GPC6: variants seen among roughly 807,000 people sequenced by gnomAD.
GPC6 encodes the protein glypican-6.
GPC6 carries 14 observed loss-of-function variants against 55.2 expected under a neutral mutation model. The ratio of observed to expected loss-of-function variants is 0.25; its 90% confidence interval spans 0.17 to 0.40. The LOEUF is 0.40. Among genes scored for constraint, GPC6 ranks in the 10% least tolerant of loss-of-function variants. GPC6 has a pLI of 1.00. For synonymous variants in GPC6, 278 were observed against 259.6 expected (o/e 1.07, Z -0.68); for missense variants, 641 against 708.5 (o/e 0.90, Z 1.08).
At chr13:93,941,915 C>T (rs996748112) in intron 3 of GPC6, among the ~76,000 whole-genome samples, 4 of 152,084 alleles carry the variant, frequency 2.6e-5, no homozygotes, top group South Asian at 2.1e-4. Flanking sequence ...TGGTGCAAAA[C>T]GAGGATAATA....
chr13:93,581,952 A>G (rs925355363), intron 2 of GPC6, among the ~76,000 whole-genome samples: 4 of 152,168 alleles, frequency 2.6e-5, no homozygotes, highest in Admixed American at 1.3e-4. Context: ...GTGTTTTTAC[A>G]TAAGATATCA....
chr13:93,786,359 C>T (rs1216081570), intron 2 of GPC6, among the ~76,000 whole-genome samples: 1 of 152,074 alleles, frequency 6.6e-6, no homozygotes, highest in Non-Finnish European at 1.5e-5. Context: ...TTGTACAAAA[C>T]CTCTAGGCTT....
rs555664508 is a variant in GPC6, at chr13:94,272,463, C to CTTTTTTT, written c.878-13869_878-13863dup. On this transcript the variant is annotated intron_variant, in intron 4 of 8. Coordinates refer to ENST00000377047, the MANE Select transcript of GPC6 (RefSeq NM_005708.5). The stretch of plus-strand genomic sequence containing the variant: ...TTTTTCTTTTCTTTTCTTTTCTTTT[C>CTTTTTTT]TTTTTTTTTTTTTTTTTTTTTTTGA... Among the ~76,000 whole-genome samples the CTTTTTTT allele has an allele frequency of 9.9e-4, 85 of 85,728 alleles. 1 individual carries two copies. The highest frequency in any genetic ancestry group is 2.8e-3 in the African/African-American group (51 of 17,918). 56.2% of individuals were successfully genotyped at this position (85,728 alleles called of 152,430 possible). A position where few individuals can be genotyped will look rare whatever the true frequency, so the allele number is the denominator to read the frequency against.
chr13:94,103,988 G>A (rs958393763), intron 4 of GPC6, among the ~76,000 whole-genome samples: 2 of 152,144 alleles, frequency 1.3e-5, no homozygotes, highest in Non-Finnish European at 2.9e-5. Flanking sequence ...TATTGCCTAG[G>A]TTTTCTTCTA....
chr13:93,664,517 A>G (rs547482688), intron 2 of GPC6, among the ~76,000 whole-genome samples: 13 of 152,336 alleles, frequency 8.5e-5, no homozygotes, highest in African/African-American at 3.1e-4. Flanking sequence ...ATAGAAACAA[A>G]TAAGTGAAAC....
At chr13:93,774,624 T>C (rs112605652) in intron 2 of GPC6, among the ~76,000 whole-genome samples, 12 of 152,178 alleles carry the variant, frequency 7.9e-5, no homozygotes, top group African/African-American at 2.7e-4. Flanking sequence ...CTGAGTAACA[T>C]CTTGATGTAT....
chr13:94,233,157 T>G (rs953851699), intron 4 of GPC6, among the ~76,000 whole-genome samples: 1 of 151,834 alleles, frequency 6.6e-6, no homozygotes, highest in Non-Finnish European at 1.5e-5. Flanking sequence ...GAAACAAAAA[T>G]ATGAGAAATT....
At chr13:94,323,791 T>C (rs1876967641) in intron 6 of GPC6, among the ~76,000 whole-genome samples, 1 of 152,190 alleles carries the variant, frequency 6.6e-6, no homozygotes, top group Non-Finnish European at 1.5e-5. Context: ...AATTATTCGA[T>C]AGGATTTCAA....
intron 3 of GPC6, among the ~76,000 whole-genome samples, chr13:93,877,779 G>T (rs1874684735): frequency 6.6e-6 from 1 of 152,118 alleles, no homozygotes; most frequent in African/African-American, 2.4e-5. Context: ...GTTTGTGATA[G>T]TGGAGATAAT....
At chr13:93,320,581 G>A (rs907452547) in intron 1 of GPC6, among the ~76,000 whole-genome samples, 4 of 151,224 alleles carry the variant, frequency 2.6e-5, no homozygotes, top group Non-Finnish European at 4.4e-5. Flanking sequence ...TGTGACTTTC[G>A]CAAATAGTGA....
At chr13:94,268,801 C>A (rs1318889132) in intron 4 of GPC6, among the ~76,000 whole-genome samples, 4 of 152,172 alleles carry the variant, frequency 2.6e-5, no homozygotes, top group Non-Finnish European at 5.9e-5. Flanking sequence ...ATTTCCCTCA[C>A]TGAAGAACAT....
At chr13:94,395,410 CTG>C (rs1356903335) in intron 7 of GPC6, among the ~76,000 whole-genome samples, 4 of 152,180 alleles carry the variant, frequency 2.6e-5, no homozygotes, top group African/African-American at 4.8e-5. Context: ...ACAATGCACT[CTG>C]TGTGTTTTAT....
Position 93,453,893 on chromosome 13 carries a change from G to A in GPC6, c.161-91370G>A, listed in dbSNP as rs182519360. Among the ~76,000 whole-genome samples, 36 of 152,230 alleles carry A rather than the reference G, an allele frequency of 2.4e-4. No homozygotes were observed. In the East Asian group the frequency reaches 5.0e-3, roughly 21 times the overall value. On this transcript the variant is annotated intron_variant, in intron 1 of 8. Transcript: ENST00000377047. ...CCACAGTGTGGAAGGGGACCTGAGC[G>A]GGCTGCCACTGCTGGCTCCCGCAGC...
intron 1 of GPC6, among the ~76,000 whole-genome samples, chr13:93,481,639 AT>A (rs71202585): frequency 0.34 from 50,650 of 150,046 alleles, 8,919 homozygotes; most frequent in East Asian, 0.61. Context: ...ATCCAGCTTC[AT>A]TTTTTTTTTG....
At chr13:94,386,084 G>A (rs1880387315) in intron 7 of GPC6, among the ~76,000 whole-genome samples, 1 of 152,162 alleles carries the variant, frequency 6.6e-6, no homozygotes, top group Non-Finnish European at 1.5e-5. Context: ...AAGAGTTTAA[G>A]ACTAGCCTGG....
At chr13:94,057,861 T>A (rs1450796267) in intron 4 of GPC6, among the ~76,000 whole-genome samples, 1 of 152,188 alleles carries the variant, frequency 6.6e-6, no homozygotes, top group Admixed American at 6.5e-5. Flanking sequence ...ATCATTTAGA[T>A]GTATAGATTT....
At chr13:94,229,764 C>A (rs1594079234) in intron 4 of GPC6, among the ~76,000 whole-genome samples, 1 of 152,166 alleles carries the variant, frequency 6.6e-6, no homozygotes, top group African/African-American at 2.4e-5. Flanking sequence ...CTGGGATAAT[C>A]CAGGTTAAAA....
At chr13:93,716,789 A>G (rs1469068248) in intron 2 of GPC6, among the ~76,000 whole-genome samples, 1 of 151,594 alleles carries the variant, frequency 6.6e-6, no homozygotes, top group Non-Finnish European at 1.5e-5. Flanking sequence ...ATTCACTCAT[A>G]CCTCAATCAC....
chr13:93,960,012 T>G (rs1424278833), intron 3 of GPC6, among the ~76,000 whole-genome samples: 2 of 152,148 alleles, frequency 1.3e-5, no homozygotes, highest in Non-Finnish European at 2.9e-5. Flanking sequence ...GAACTGGTAA[T>G]CTCCCTCACC....
Sources: gnomAD v4.1 joint callset for allele counts (sites outside exome capture counted in the v4.1 genomes callset) on GRCh38, gnomAD v4.1.1 for gene constraint, MANE v1.5 for transcripts, NCBI Gene and HGNC (gene_info 2026-07-23, HGNC 2026-07-21) for gene names.